DLG2: variants seen among roughly 807,000 people sequenced by gnomAD.
DLG2 encodes the protein discs large MAGUK scaffold protein 2.
In DLG2, 45 loss-of-function variants were observed where a neutral mutation model predicts 132.5. The ratio of observed to expected loss-of-function variants is 0.34; its 90% CI spans 0.27 to 0.44. The LOEUF is 0.44. DLG2 is among the 20% of genes least tolerant of loss of function. The pLI is 1.00. For synonymous variants in DLG2, 424 were observed against 419.6 expected (o/e 1.01, Z -0.13); for missense variants, 1,045 against 1,196.9 (o/e 0.87, Z 1.87).
At chr11:85,313,279 A>G (rs1453046739) in intron 3 of DLG2, among the ~76,000 whole-genome samples, 2 of 152,010 alleles carry the variant, frequency 1.3e-5, no homozygotes, top group Non-Finnish European at 2.9e-5. Flanking sequence ...TGGCAAAGTC[A>G]TAAGATGAAA....
intron 16 of DLG2, among the ~76,000 whole-genome samples, chr11:83,869,180 T>C (rs1565419226): frequency 6.6e-6 from 1 of 152,318 alleles, no homozygotes; most frequent in East Asian, 1.9e-4. Flanking sequence ...GATGACCTGG[T>C]GATTTTCGGA....
At chr11:85,021,087 G>A in intron 6 of DLG2, 1 of 775,646 alleles carries the variant, frequency 1.3e-6, no homozygotes, top group Non-Finnish European at 2.4e-6. Context: ...TTTTATCTTG[G>A]TCAACTCCTT....
intron 16 of DLG2, among the ~76,000 whole-genome samples, chr11:83,844,614 T>C (rs1305157358): frequency 3.4e-5 from 5 of 148,474 alleles, no homozygotes. Flanking sequence ...GTCAAATAAG[T>C]TACACTTGCA....
chr11:84,045,498 G>T (rs1312841301), intron 11 of DLG2, among the ~76,000 whole-genome samples: 1 of 151,710 alleles, frequency 6.6e-6, no homozygotes, highest in African/African-American at 2.4e-5. Flanking sequence ...AACTTCATAT[G>T]AAATAATATT....
chr11:85,611,606 G>T (rs1233304322), intron 2 of DLG2, among the ~76,000 whole-genome samples: 1 of 152,216 alleles, frequency 6.6e-6, no homozygotes, highest in Non-Finnish European at 1.5e-5. Flanking sequence ...TTCCCCCAGG[G>T]ACCAGTGCCC....
At chr11:84,857,987 G>A (rs1167951721) in intron 6 of DLG2, among the ~76,000 whole-genome samples, 2 of 151,770 alleles carry the variant, frequency 1.3e-5, no homozygotes, top group African/African-American at 4.8e-5. Context: ...GGACTTTCCA[G>A]ACTCAAGCTA....
chr11:83,835,904 C>T (rs540596337), intron 16 of DLG2, among the ~76,000 whole-genome samples: 20 of 152,182 alleles, frequency 1.3e-4, no homozygotes, highest in African/African-American at 4.6e-4. Context: ...TGAGATTGCA[C>T]ACACACACAC....
intron 18 of DLG2, among the ~76,000 whole-genome samples, chr11:83,674,784 C>T (rs545871172): frequency 1.3e-5 from 2 of 152,280 alleles, no homozygotes; most frequent in East Asian, 3.9e-4. Context: ...GTTTTATGAA[C>T]AGATTTTATA....
chr11:83,764,653 T>G (rs2094063328), intron 18 of DLG2, among the ~76,000 whole-genome samples: 1 of 152,240 alleles, frequency 6.6e-6, no homozygotes, highest in Admixed American at 6.5e-5. Flanking sequence ...TATCTCAATT[T>G]TATTAATAAA....
At chr11:83,672,175 C>T (rs2076939185) in intron 18 of DLG2, among the ~76,000 whole-genome samples, 1 of 151,682 alleles carries the variant, frequency 6.6e-6, no homozygotes, top group African/African-American at 2.4e-5. Context: ...CCCTTTCTTC[C>T]CCTTCTTTCT....
chr11:85,117,447 A>T (rs2073770379), intron 5 of DLG2, among the ~76,000 whole-genome samples: 1 of 151,996 alleles, frequency 6.6e-6, no homozygotes, highest in Non-Finnish European at 1.5e-5. Context: ...ATTTGTCAGT[A>T]ATTTTCTTCC....
intron 3 of DLG2, among the ~76,000 whole-genome samples, chr11:85,559,599 CTTTTG>C (rs1327166429): frequency 6.6e-6 from 1 of 151,164 alleles, no homozygotes; most frequent in Admixed American, 6.6e-5. Flanking sequence ...TAACAGAAGA[CTTTTG>C]TTAACCTAAA....
chr11:84,168,686 T>C (rs543507039), intron 8 of DLG2, among the ~76,000 whole-genome samples: 14 of 152,306 alleles, frequency 9.2e-5, no homozygotes, highest in African/African-American at 3.4e-4. Flanking sequence ...CTAATGGGGA[T>C]GCCATGCCTA....
At position 85,340,630 on chromosome 11, in the gene DLG2, A is replaced by G. The variant is rs542227328; in HGVS notation, c.41-55265T>C. ...TTGTGCACATGTACCCTACAACTTA[A>G]AGTATATAATTTTTAAAAAGGTAAA... On this transcript the variant is annotated intron_variant, in intron 3 of 27. Coordinates refer to ENST00000376104, the MANE Select transcript of DLG2 (RefSeq NM_001142699.3). Among the ~76,000 whole-genome samples, 7 of 152,334 alleles carry G rather than the reference A, an allele frequency of 4.6e-5. No homozygotes were observed. The South Asian group carries it at 1.5e-3, about 32-fold the overall frequency.
chr11:84,741,369 A>C (rs910647353), intron 6 of DLG2, among the ~76,000 whole-genome samples: 1 of 152,162 alleles, frequency 6.6e-6, no homozygotes. Flanking sequence ...TGCTCTTAAT[A>C]AGAGTAACAG....
chr11:84,934,196 C>T (rs1324342104), intron 6 of DLG2, among the ~76,000 whole-genome samples: 19 of 152,026 alleles, frequency 1.2e-4, no homozygotes, highest in Admixed American at 1.2e-3. Context: ...GTATGTTGAA[C>T]CAACTTTGCA....
intron 7 of DLG2, among the ~76,000 whole-genome samples, chr11:84,447,744 A>C (rs1397505179): frequency 2.0e-5 from 3 of 152,094 alleles, no homozygotes; most frequent in African/African-American, 4.8e-5. Context: ...AAGAACAAAA[A>C]CTCAAATGGG....
At chr11:84,557,545 T>C (rs149322314) in intron 6 of DLG2, among the ~76,000 whole-genome samples, 1 of 152,324 alleles carries the variant, frequency 6.6e-6, no homozygotes, top group East Asian at 1.9e-4. Context: ...TATCATATTG[T>C]GGCTATTTTT....
chr11:85,303,390 T>C (rs1018322686), intron 3 of DLG2, among the ~76,000 whole-genome samples: 2 of 152,210 alleles, frequency 1.3e-5, no homozygotes, highest in African/African-American at 4.8e-5. Flanking sequence ...GAAATGATGA[T>C]AATAATAGCA....
Sources: gnomAD v4.1 joint callset for allele counts (sites outside exome capture counted in the v4.1 genomes callset) on GRCh38, gnomAD v4.1.1 for gene constraint, MANE v1.5 for transcripts, NCBI Gene and HGNC (gene_info 2026-07-23, HGNC 2026-07-21) for gene names.